Variants in MFSD12 observed in about 807,000 individuals in gnomAD.
MFSD12 encodes major facilitator superfamily domain-containing protein 12.
A neutral mutation model predicts 51.2 loss-of-function variants in MFSD12; 67 were observed. That is an observed-to-expected ratio of 1.31 (90% CI 1.08 to 1.60). The LOEUF is 1.60. Among genes scored for constraint, MFSD12 ranks in the 40% most tolerant of loss-of-function variants. The pLI is 0.00. For synonymous variants in MFSD12, 441 were observed against 316.7 expected (o/e 1.39, Z -4.17); for missense variants, 921 against 673.0 (o/e 1.37, Z -4.08).
At chr19:3,540,265 GT>G (rs11431218), downstream of MFSD12, among the ~76,000 whole-genome samples, 15 of 141,086 alleles carry the variant, frequency 1.1e-4, no homozygotes, top group East Asian at 2.1e-4. Flanking sequence ...GCTAATTTTT[GT>G]TTTTTTTTTT....
At position 3,544,533 on chromosome 19, in the gene MFSD12, T is replaced by G; in HGVS notation, c.*177A>C. The G allele has an allele frequency of 7.1e-7, 1 of 1,409,116 alleles. No homozygotes were observed. The highest frequency in any genetic ancestry group is 1.6e-5 in the South Asian group (1 of 61,578). The allele number at this position is 1,409,116 out of a possible 1,614,324, so 87.3% of individuals were successfully genotyped here. On this transcript the variant is annotated 3_prime_UTR_variant, in exon 10 of 10. Coordinates refer to ENST00000355415, the MANE Select transcript of MFSD12 (RefSeq NM_174983.5). ...TCAAAACCCAGGGGGTCCTTGCAAG[T>G]CCCTGGCGGGCATCCCTGCTGCCCT... is the stretch of plus-strand genomic sequence containing the variant.
rs2031793400 is a variant in MFSD12 at position 3,557,414 on chromosome 19, G to T, written c.-11C>A. 2 of 1,221,298 alleles carry T rather than the reference G, an allele frequency of 1.6e-6. No individual in the cohort carries two copies. The highest frequency in any genetic ancestry group is 2.0e-6 in the Non-Finnish European group (2 of 976,650). 75.7% of individuals were successfully genotyped at this position (1,221,298 alleles called of 1,614,324 possible). A position where few individuals can be genotyped will look rare whatever the true frequency, so the allele number is the denominator to read the frequency against. On this transcript the variant is annotated 5_prime_UTR_variant, in exon 1 of 10. Coordinates refer to ENST00000355415, the MANE Select transcript of MFSD12 (RefSeq NM_174983.5). Reference sequence around the variant, plus strand: ...GGGTCCCGGGCCCATCGCGGCGCCGGGCCCGCGCCCCCCACCCCCGGGCTC... The same window carrying T: ...GGGTCCCGGGCCCATCGCGGCGCCGTGCCCGCGCCCCCCACCCCCGGGCTC...
intron 8 of MFSD12, among the ~76,000 whole-genome samples, chr19:3,545,431 C>A (rs986434596): frequency 5.3e-5 from 8 of 152,134 alleles, no homozygotes; most frequent in Admixed American, 5.2e-4. Flanking sequence ...CACAGGCCTC[C>A]TCCCTGTTCT....
At position 3,546,427 on chromosome 19, in the gene MFSD12, T is replaced by G. The variant is rs773599398; in HGVS notation, c.1024-2A>C. The G allele has an allele frequency of 3.1e-6, 5 of 1,602,788 alleles. No individual in the cohort carries two copies. Among genetic ancestry groups the G allele is most frequent in the Non-Finnish European group, 4.3e-6 (5 of 1,175,582 alleles). On this transcript the variant is annotated splice_acceptor_variant, in intron 6 of 9. Transcript: ENST00000355415. LOFTEE classifies it high-confidence loss of function. The stretch of plus-strand genomic sequence containing the variant: ...CAGGAGGCCTGAGAAGTAGGTCATC[T>G]GCAGGGACAGCCCCGGGGTCAGGCC...
chr19:3,545,016 C>A, intron 8 of MFSD12, 77 bp from the exon 9 acceptor site: 2 of 1,504,996 alleles, frequency 1.3e-6, no homozygotes, highest in South Asian at 2.5e-5. Context: ...TGTGCCTCCC[C>A]TCACCCCCGA....
intron 6 of MFSD12, 57 bp from the exon 7 acceptor site, chr19:3,546,482 C>G (rs1402203574): frequency 6.5e-7 from 1 of 1,530,436 alleles, no homozygotes; most frequent in Non-Finnish European, 8.8e-7. Context: ...AAGCCTGGCG[C>G]TTCAATCCGC....
downstream of MFSD12, chr19:3,543,610 G>T: frequency 6.5e-7 from 1 of 1,544,524 alleles, no homozygotes. Context: ...TCCCTGCCCA[G>T]TACCAGGCCC....
chr19:3,543,748 C>T (rs1038739957), downstream of MFSD12: 7 of 1,488,654 alleles, frequency 4.7e-6, no homozygotes, highest in East Asian at 1.7e-4. Flanking sequence ...CAGGGTGAAA[C>T]TGCCCGGGGC....
At chr19:3,543,679 C>T (rs376372464), downstream of MFSD12, 442 of 1,534,392 alleles carry the variant, frequency 2.9e-4, 2 homozygotes, top group South Asian at 4.8e-4. Flanking sequence ...GCAAGGAATA[C>T]GGTGAGGCTA....
In MFSD12 at chr19:3,544,213, T is replaced by A. The variant is rs150907742; in HGVS notation, c.*497A>T. ...AGGAGCCAGGCTGCCGTCATCTCTTTATTTGCTGCCAGCAGAGTCCACCAA... is the reference window on the plus strand; with the variant it reads ...AGGAGCCAGGCTGCCGTCATCTCTTAATTTGCTGCCAGCAGAGTCCACCAA... On this transcript the variant is annotated 3_prime_UTR_variant, in exon 10 of 10. Transcript: ENST00000355415. The A allele has an allele frequency of 7.4e-7, 1 of 1,347,996 alleles. No individual in the cohort carries two copies. The highest frequency in any genetic ancestry group is 2.7e-4 in the Middle Eastern group (1 of 3,760). The allele number at this position is 1,347,996 out of a possible 1,614,324, so 83.5% of individuals were successfully genotyped here.
chr19:3,544,997 A>C, intron 8 of MFSD12, 58 bp from the exon 9 acceptor site: 1 of 1,535,128 alleles, frequency 6.5e-7, no homozygotes, highest in Non-Finnish European at 8.7e-7. Context: ...CCGCCACCCA[A>C]GCTGAACCTG....
At position 3,546,396 on chromosome 19, in the gene MFSD12, G is replaced by A. The variant is rs779214533; in HGVS notation, c.1053C>T (p.Ile351=). ...NMTYFSGLLV[I]LAFAAWVALA... Reference sequence around the variant, plus strand: ...GCGCCACCCAGGCGGCAAAGGCCAGGATCACCAGGAGGCCTGAGAAGTAGG... The same window carrying A: ...GCGCCACCCAGGCGGCAAAGGCCAGAATCACCAGGAGGCCTGAGAAGTAGG... The change falls in exon 7 of 10, where the codon ATC becomes ATT. Residue 351 remains isoleucine (I), a synonymous_variant. Coordinates refer to ENST00000355415, the MANE Select transcript of MFSD12 (RefSeq NM_174983.5). 2.5e-6 allele frequency: 4 copies of A among 1,608,046 alleles called. No homozygotes were observed. The East Asian group carries it at 6.7e-5, about 27-fold the overall frequency.
At position 3,546,425 on chromosome 19, in the gene MFSD12, T is replaced by G. The variant is rs369874343; in HGVS notation, c.1024A>C (p.Met342Leu). 40 of 1,603,812 alleles carry G rather than the reference T, an allele frequency of 2.5e-5. No homozygotes were observed. The Middle Eastern group carries it at 5.2e-4, about 21-fold the overall frequency. Residue 342 changes from methionine to leucine, a missense_variant and splice_region_variant, in exon 7 of 10, where the codon ATG (methionine) becomes CTG (leucine). Physicochemically the swap from Met to Leu is conservative, Grantham distance 15. Coordinates refer to ENST00000355415, the MANE Select transcript of MFSD12 (RefSeq NM_174983.5). Reference sequence around the variant, plus strand: ...ACCAGGAGGCCTGAGAAGTAGGTCATCTGCAGGGACAGCCCCGGGGTCAGG... The same window carrying G: ...ACCAGGAGGCCTGAGAAGTAGGTCAGCTGCAGGGACAGCCCCGGGGTCAGG... ...KPINKCIGRN[M>L]TYFSGLLVIL...
intron 1 of MFSD12, among the ~76,000 whole-genome samples, chr19:3,556,725 C>G (rs2031742123): frequency 1.3e-5 from 2 of 151,764 alleles, no homozygotes; most frequent in Non-Finnish European, 2.9e-5. Context: ...GGCCACGGAA[C>G]AGCCAGAGGG....
chr19:3,550,900 T>A (rs2031433781), intron 2 of MFSD12, 84 bp downstream of exon 2: 1 of 1,165,352 alleles, frequency 8.6e-7, no homozygotes. Context: ...GCCGAGTCTG[T>A]GGCCGCTCAT....
rs1219919467 is a variant in MFSD12 at position 3,557,328 on chromosome 19, C to G, written c.76G>C (p.Ala26Pro). 2.6e-6 allele frequency: 4 copies of G among 1,564,664 alleles called. No homozygotes were observed. The highest frequency in any genetic ancestry group is 3.5e-6 in the Non-Finnish European group (4 of 1,158,398). ...PLSLVARLSY[A>P]VGHFLNDLCA... ...AGGTCGTTGAGGAAGTGGCCCACGG[C>G]GTAGCTCAGCCGCGCCACCAGGGAC... Residue 26 changes from alanine to proline, a missense_variant, in exon 1 of 10, where the codon GCC becomes CCC. Physicochemically the swap from Ala to Pro is conservative, Grantham distance 27. Coordinates refer to ENST00000355415, the MANE Select transcript of MFSD12 (RefSeq NM_174983.5).
chr19:3,547,333 T>TACATC lies in MFSD12; in HGVS notation c.957_961dup (p.Tyr321Ter). On this transcript the variant is annotated stop_gained and frameshift_variant, in exon 6 of 10. Transcript: ENST00000355415. LOFTEE classifies it high-confidence loss of function. ...GAAGGAGGACAAGAAGCCGCTGAGG[T>TACATC]ACATCACCAGGGGAATGGTCGCGAT... 6.2e-7 allele frequency: 1 copy of TACATC among 1,613,244 alleles called. No homozygotes were observed. Among genetic ancestry groups the TACATC allele is most frequent in the Non-Finnish European group, 8.5e-7 (1 of 1,179,944 alleles).
At chr19:3,543,972 C>T, downstream of MFSD12, 3 of 1,549,564 alleles carry the variant, frequency 1.9e-6, no homozygotes, top group Non-Finnish European at 2.6e-6. Flanking sequence ...CTCCACCTGC[C>T]AGCGGTCCCC....
At chr19:3,549,723 CAA>C (rs5826823) in intron 2 of MFSD12, among the ~76,000 whole-genome samples, 59 of 87,412 alleles carry the variant, frequency 6.7e-4, no homozygotes, top group South Asian at 1.3e-3. Flanking sequence ...ACTCTTGTCT[CAA>C]AAAAAAAAAA....
Sources: gnomAD v4.1 joint callset for allele counts (sites outside exome capture counted in the v4.1 genomes callset) on GRCh38, gnomAD v4.1.1 for gene constraint, MANE v1.5 for transcripts, NCBI Gene and HGNC (gene_info 2026-07-23, HGNC 2026-07-21) for gene names.